AUTS2: variants seen among roughly 807,000 people sequenced by gnomAD.
AUTS2 encodes autism susceptibility gene 2 protein.
Under a neutral mutation model 112.4 loss-of-function variants are expected in AUTS2, and 17 were observed. The observed-to-expected ratio is 0.15, with a 90% CI of 0.10 to 0.23. AUTS2 has a LOEUF of 0.23. Ranked by LOEUF, AUTS2 falls within the 10% of genes least tolerant of loss-of-function variation. The probability of loss-of-function intolerance (pLI) is 1.00; values close to 1 mark genes in which losing one functional copy is unlikely to be tolerated. For missense variants in AUTS2, 1,510 were observed against 1,701.6 expected (o/e 0.89, Z 1.98); for synonymous variants, 751 against 702.7 (o/e 1.07, Z -1.09).
At chr7:70,418,691 G>A (rs920244392) in intron 4 of AUTS2, among the ~76,000 whole-genome samples, 8 of 150,380 alleles carry the variant, frequency 5.3e-5, no homozygotes, top group African/African-American at 1.7e-4. Flanking sequence ...CACGGGTGAC[G>A]TTTACATGCC....
intron 5 of AUTS2, among the ~76,000 whole-genome samples, chr7:70,602,581 A>C (rs1803531938): frequency 6.6e-6 from 1 of 152,232 alleles, no homozygotes; most frequent in Admixed American, 6.5e-5. Flanking sequence ...CCTGAGTCTC[A>C]TTGAAGAAAA....
At position 70,763,128 on chromosome 7, in the gene AUTS2, C is replaced by T; in HGVS notation, c.1001C>T (p.Pro334Leu). ...LVQRTEAPPQ[P>L]PPLSTQPPQG... The stretch of plus-strand genomic sequence containing the variant: ...CAGCGCACAGAGGCCCCACCTCAAC[C>T]CCCACCTCTGAGTACACAGCCACCA... The change falls in exon 7 of 19, where the codon CCC becomes CTC. Residue 334 changes from proline to leucine, a missense_variant. Pro to Leu is a moderately conservative substitution (Grantham distance 98). Transcript: ENST00000342771. The T allele has an allele frequency of 6.2e-7, 1 of 1,614,002 alleles. No individual in the cohort carries two copies. Among genetic ancestry groups the T allele is most frequent in the South Asian group, 1.1e-5 (1 of 91,074 alleles).
At chr7:70,338,682 T>C (rs1791105664) in intron 4 of AUTS2, among the ~76,000 whole-genome samples, 1 of 152,038 alleles carries the variant, frequency 6.6e-6, no homozygotes, top group Non-Finnish European at 1.5e-5. Context: ...TTTTGGCAAG[T>C]CTGGTTGACT....
At chr7:70,449,206 C>T (rs189009763) in intron 5 of AUTS2, among the ~76,000 whole-genome samples, 5 of 152,202 alleles carry the variant, frequency 3.3e-5, no homozygotes, top group Non-Finnish European at 5.9e-5. Context: ...TATTTTTGCC[C>T]GTCCACTTGA....
At position 69,805,537 on chromosome 7, in the gene AUTS2, C is replaced by G. The variant is rs569449415; in HGVS notation, c.310-93749C>G. 7.2e-5 allele frequency among the ~76,000 whole-genome samples: 11 copies of G among 152,014 alleles called. No individual in the cohort carries two copies. In the East Asian group the frequency reaches 1.9e-3, roughly 27 times the overall value. ...ATAGAATGTGACTATAAAAAAGAAC[C>G]AAATTGTGCAGACAAGAAAATATGA... On this transcript the variant is annotated intron_variant, in intron 1 of 18. Transcript: ENST00000342771.
chr7:70,742,142 A>G (rs1330502286), intron 6 of AUTS2, among the ~76,000 whole-genome samples: 1 of 152,196 alleles, frequency 6.6e-6, no homozygotes, highest in African/African-American at 2.4e-5. Context: ...TAGTAATTCC[A>G]GGCACTGGTA....
intron 5 of AUTS2, among the ~76,000 whole-genome samples, chr7:70,594,868 G>T (rs757986390): frequency 2.6e-5 from 4 of 152,144 alleles, no homozygotes; most frequent in Non-Finnish European, 5.9e-5. Flanking sequence ...TTGGAAGGCC[G>T]AGGCGGGTGG....
intron 5 of AUTS2, among the ~76,000 whole-genome samples, chr7:70,633,352 T>TCAC (rs1052203032): frequency 6.6e-6 from 1 of 152,150 alleles, no homozygotes; most frequent in Non-Finnish European, 1.5e-5. Context: ...GTGCAGTGGC[T>TCAC]CACGCCTGTA....
intron 4 of AUTS2, among the ~76,000 whole-genome samples, chr7:70,377,773 C>CTT (rs1200007177): frequency 0.018 from 2,427 of 137,506 alleles, 72 homozygotes; most frequent in African/African-American, 0.054. Flanking sequence ...ATAATGTCTT[C>CTT]TTTTTTTTTT....
intron 5 of AUTS2, among the ~76,000 whole-genome samples, chr7:70,507,854 T>C (rs1184765446): frequency 6.6e-6 from 1 of 152,106 alleles, no homozygotes. Context: ...CAAAATAAGA[T>C]GGGGCACCTG....
intron 1 of AUTS2, among the ~76,000 whole-genome samples, chr7:69,837,016 A>G (rs1054399723): frequency 3.3e-5 from 5 of 152,114 alleles, no homozygotes; most frequent in African/African-American, 1.2e-4. Context: ...AGAATTGATT[A>G]CCTATAAGAG....
At position 70,361,611 on chromosome 7, in the gene AUTS2, C is replaced by G. The variant is rs576745330; in HGVS notation, c.661-74141C>G. On this transcript the variant is annotated intron_variant, in intron 4 of 18. Transcript: ENST00000342771. ...AGAAGAATCTGCCACCATTTGAATT[C>G]TCTAGCAGCACCCCAAAAGTGCTAA... 5.3e-5 allele frequency among the ~76,000 whole-genome samples: 8 copies of G among 152,242 alleles called. 1 individual carries two copies. In the South Asian group the frequency reaches 1.7e-3, roughly 32 times the overall value.
intron 2 of AUTS2, among the ~76,000 whole-genome samples, chr7:70,032,364 C>A (rs965968845): frequency 2.0e-5 from 3 of 152,064 alleles, no homozygotes; most frequent in African/African-American, 7.2e-5. Context: ...TTTTAAAGGG[C>A]TTCCTGGGGA....
intron 5 of AUTS2, among the ~76,000 whole-genome samples, chr7:70,560,231 T>C (rs62455795): frequency 0.023 from 3,544 of 152,266 alleles, 121 homozygotes; most frequent in Admixed American, 0.1. Context: ...CCACCCCAAA[T>C]CACTCTATCT....
chr7:69,649,174 C>T (rs1295003361), intron 1 of AUTS2, among the ~76,000 whole-genome samples: 1 of 152,140 alleles, frequency 6.6e-6, no homozygotes, highest in Non-Finnish European at 1.5e-5. Context: ...CACTTTGTCT[C>T]GGACCTGTAG....
intron 1 of AUTS2, among the ~76,000 whole-genome samples, chr7:69,710,615 G>T (rs945776988): frequency 6.6e-6 from 1 of 152,188 alleles, no homozygotes; most frequent in Admixed American, 6.5e-5. Flanking sequence ...GTCCTACTTG[G>T]TATACAGGAG....
At chr7:70,525,241 C>T (rs1363431860) in intron 5 of AUTS2, among the ~76,000 whole-genome samples, 1 of 152,182 alleles carries the variant, frequency 6.6e-6, no homozygotes, top group Non-Finnish European at 1.5e-5. Context: ...CATCAGTTGT[C>T]ATAGTTCCTA....
intron 2 of AUTS2, among the ~76,000 whole-genome samples, chr7:70,079,483 C>G (rs1803197334): frequency 6.6e-6 from 1 of 152,058 alleles, no homozygotes; most frequent in Admixed American, 6.6e-5. Context: ...GTCTGGGCAA[C>G]AGACAGAAAC....
intron 3 of AUTS2, among the ~76,000 whole-genome samples, chr7:70,123,058 G>C (rs1190633509): frequency 6.6e-6 from 1 of 151,716 alleles, no homozygotes; most frequent in Non-Finnish European, 1.5e-5. Flanking sequence ...CATATTTTTA[G>C]TAGAGATGGG....
Sources: allele counts gnomAD v4.1 joint callset (sites outside exome capture counted in the v4.1 genomes callset), GRCh38; gene constraint gnomAD v4.1.1; transcripts MANE v1.5; gene names NCBI Gene and HGNC (gene_info 2026-07-23, HGNC 2026-07-21).